The following ELAVL2 variants were observed in gnomAD, a reference collection of about 807,000 sequenced individuals.
ELAVL2 encodes the protein ELAV-like protein 2.
ELAVL2 carries 4 observed loss-of-function variants against 34.6 expected under a neutral mutation model. The ratio of observed to expected loss-of-function variants is 0.12; its 90% CI spans 0.06 to 0.26. The LOEUF (loss-of-function observed/expected upper bound fraction) is 0.26, where lower values mean the gene tolerates loss of function less well. ELAVL2 is among the 10% of genes least tolerant of loss of function. ELAVL2 has a pLI of 1.00. For missense variants in ELAVL2, 432 were observed against 442.8 expected (o/e 0.98, Z 0.22); for synonymous variants, 193 against 154.8 (o/e 1.25, Z -1.83).
chr9:23,724,497 T>A (rs964405860), intron 3 of ELAVL2, among the ~76,000 whole-genome samples: 4 of 152,134 alleles, frequency 2.6e-5, no homozygotes, highest in African/African-American at 9.7e-5. Context: ...CTAGACCACA[T>A]TAGATGAGTA....
At chr9:23,709,749 G>A (rs1185024533) in intron 3 of ELAVL2, among the ~76,000 whole-genome samples, 1 of 152,072 alleles carries the variant, frequency 6.6e-6, no homozygotes, top group Non-Finnish European at 1.5e-5. Context: ...AATTTTCACT[G>A]CCACTTAAAC....
rs1402686617 is a variant in ELAVL2, at chr9:23,762,031, A to G, written c.204T>C (p.Cys68=). 1 of 1,612,948 alleles carries G rather than the reference A, an allele frequency of 6.2e-7. No individual in the cohort carries two copies. Among genetic ancestry groups the G allele is most frequent in the African/African-American group, 1.3e-5 (1 of 74,866 alleles). ...CTGTTATTTTGTCTCTTACAAGCTT[A>G]CAGGACTCTATTTCACCAATGCTCC... ...LFGSIGEIES[C]KLVRDKITGQ... The change falls in exon 2 of 7, where the codon TGT becomes TGC. Residue 68 remains cysteine, a synonymous_variant. Coordinates refer to ENST00000397312, the MANE Select transcript of ELAVL2 (RefSeq NM_004432.5).
At chr9:23,775,204 T>G (rs1300070402) in intron 1 of ELAVL2, among the ~76,000 whole-genome samples, 3 of 152,152 alleles carry the variant, frequency 2.0e-5, no homozygotes, top group Non-Finnish European at 2.9e-5. Context: ...TAGCAATTAT[T>G]GATTCCTCTT....
intron 3 of ELAVL2, among the ~76,000 whole-genome samples, chr9:23,718,812 A>G (rs2042947596): frequency 6.6e-6 from 1 of 152,220 alleles, no homozygotes; most frequent in South Asian, 2.1e-4. Flanking sequence ...GAGAATAACC[A>G]TAGGGAAAGC....
chr9:23,710,998 C>G (rs2040790739), intron 3 of ELAVL2, among the ~76,000 whole-genome samples: 1 of 152,132 alleles, frequency 6.6e-6, no homozygotes, highest in Admixed American at 6.5e-5. Context: ...TAAATTCAAA[C>G]TCCTACCAGG....
At chr9:23,761,971 C>G in intron 2 of ELAVL2, 35 bp downstream of exon 2, 1 of 1,563,592 alleles carries the variant, frequency 6.4e-7, no homozygotes, top group African/African-American at 1.4e-5. Flanking sequence ...AGACACGATC[C>G]GTTAAATATA....
chr9:23,772,303 T>C (rs995290792), intron 1 of ELAVL2, among the ~76,000 whole-genome samples: 5 of 152,042 alleles, frequency 3.3e-5, no homozygotes, highest in African/African-American at 1.2e-4. Context: ...GACACTAAAA[T>C]ACTCTGTCAT....
rs966004306 is a variant in ELAVL2, at chr9:23,691,619, C to T, written c.*938G>A. The T allele has an allele frequency of 6.6e-6, 1 of 152,426 alleles. No individual in the cohort carries two copies. The highest frequency in any genetic ancestry group is 1.5e-5 in the Non-Finnish European group (1 of 67,976). 9.4% of individuals were successfully genotyped at this position (152,426 alleles called of 1,614,324 possible). On this transcript the variant is annotated 3_prime_UTR_variant, in exon 7 of 7. Coordinates refer to ENST00000397312, the MANE Select transcript of ELAVL2 (RefSeq NM_004432.5). ...CAAAATCACAAATCAATGTGAGCCA[C>T]CTATCACATAATAACCAGGATGATC... is the stretch of plus-strand genomic sequence containing the variant.
intron 2 of ELAVL2, among the ~76,000 whole-genome samples, chr9:23,740,840 C>T (rs1297203350): frequency 6.6e-6 from 1 of 152,172 alleles, no homozygotes; most frequent in Non-Finnish European, 1.5e-5. Flanking sequence ...ATGGCTAAAG[C>T]CAAACATGTT....
chr9:23,809,098 T>C (rs1206929700), intron 1 of ELAVL2, among the ~76,000 whole-genome samples: 4 of 152,218 alleles, frequency 2.6e-5, no homozygotes, highest in Non-Finnish European at 5.9e-5. Flanking sequence ...TGCTTCATCC[T>C]GTGATATTCT....
chr9:23,810,899 C>T (rs1222481010), intron 1 of ELAVL2, among the ~76,000 whole-genome samples: 2 of 152,156 alleles, frequency 1.3e-5, no homozygotes, highest in South Asian at 2.1e-4. Context: ...TCTTCAATTG[C>T]CAACTCCACG....
At chr9:23,756,827 A>C (rs534384853) in intron 2 of ELAVL2, among the ~76,000 whole-genome samples, 1 of 152,304 alleles carries the variant, frequency 6.6e-6, no homozygotes, top group South Asian at 2.1e-4. Context: ...CAAAATGTTT[A>C]AGACATTGAT....
At chr9:23,833,060 C>T in the ELAVL2 span, among the ~76,000 whole-genome samples, 7 of 151,698 alleles carry the variant, frequency 4.6e-5, no homozygotes, top group South Asian at 6.3e-4. Flanking sequence ...GAGGTGTTTG[C>T]GTTTTTTTTA....
At chr9:23,780,702 T>C (rs1415550887) in intron 1 of ELAVL2, among the ~76,000 whole-genome samples, 1 of 152,196 alleles carries the variant, frequency 6.6e-6, no homozygotes, top group Non-Finnish European at 1.5e-5. Context: ...ACATAAGCAC[T>C]ATTTTCCATA....
chr9:23,701,230 G>A (rs2037090257), intron 5 of ELAVL2, 149 bp downstream of exon 5: 1 of 818,600 alleles, frequency 1.2e-6, no homozygotes, highest in Non-Finnish European at 2.0e-6. Context: ...GATTCTCTCT[G>A]TGCCCATGGA....
upstream of ELAVL2, among the ~76,000 whole-genome samples, chr9:23,828,515 G>A (rs1228384685): frequency 6.6e-6 from 1 of 152,146 alleles, no homozygotes; most frequent in Non-Finnish European, 1.5e-5. Context: ...GAGTGATATG[G>A]AGTAATAAAA....
chr9:23,724,528 T>C (rs16907653), intron 3 of ELAVL2, among the ~76,000 whole-genome samples: 5,528 of 152,176 alleles, frequency 0.036, 346 homozygotes, highest in African/African-American at 0.12. Context: ...GGGCTTTTTG[T>C]ATGAAAAAAA....
intron 5 of ELAVL2, among the ~76,000 whole-genome samples, chr9:23,699,619 G>A (rs564526331): frequency 3.3e-5 from 5 of 151,804 alleles, no homozygotes; most frequent in Non-Finnish European, 7.4e-5. Flanking sequence ...TTCATCCTAC[G>A]TTTGCAATTT....
intron 1 of ELAVL2, among the ~76,000 whole-genome samples, chr9:23,786,016 A>G (rs1007467150): frequency 6.6e-6 from 1 of 152,202 alleles, no homozygotes; most frequent in Non-Finnish European, 1.5e-5. Flanking sequence ...CACTGATGCT[A>G]CATTCTATTT....
Sources: allele counts gnomAD v4.1 joint callset (sites outside exome capture counted in the v4.1 genomes callset), GRCh38; gene constraint gnomAD v4.1.1; transcripts MANE v1.5; gene names NCBI Gene and HGNC (gene_info 2026-07-23, HGNC 2026-07-21).